Variants in TOX3 observed in about 807,000 individuals in gnomAD.
TOX3 encodes TOX high mobility group box family member 3.
Under a neutral mutation model 64.3 loss-of-function variants are expected in TOX3, and 22 were observed. The ratio of observed to expected loss-of-function variants is 0.34; its 90% CI spans 0.24 to 0.49. TOX3 has a LOEUF of 0.49. TOX3 is among the 20% of genes least tolerant of loss of function. TOX3 has a pLI of 0.99. For missense variants in TOX3, 661 were observed against 714.4 expected (o/e 0.93, Z 0.85); for synonymous variants, 291 against 273.6 (o/e 1.06, Z -0.63).
intron 1 of TOX3, among the ~76,000 whole-genome samples, chr16:52,485,420 G>A (rs1043137069): frequency 1.3e-5 from 2 of 151,866 alleles, no homozygotes; most frequent in Admixed American, 6.6e-5. Context: ...ACTTAAAAGT[G>A]AGAGCTAAAT....
intron 1 of TOX3, among the ~76,000 whole-genome samples, chr16:52,535,315 G>C (rs550164108): frequency 1.3e-5 from 2 of 152,262 alleles, no homozygotes; most frequent in Admixed American, 1.3e-4. Context: ...CATTTCCTGA[G>C]TACCCAAGTG....
intron 1 of TOX3, among the ~76,000 whole-genome samples, chr16:52,514,912 G>A (rs963235398): frequency 6.7e-6 from 1 of 149,114 alleles, no homozygotes; most frequent in African/African-American, 2.5e-5. Flanking sequence ...TTGGGAGGTT[G>A]AGGCAGGAGA....
At chr16:52,490,973 G>A (rs145928744) in intron 1 of TOX3, among the ~76,000 whole-genome samples, 7 of 152,154 alleles carry the variant, frequency 4.6e-5, no homozygotes, top group African/African-American at 7.2e-5. Flanking sequence ...TGGCTAAAGC[G>A]TAATTTACCT....
At chr16:52,536,337 A>G (rs1251055823) in intron 1 of TOX3, among the ~76,000 whole-genome samples, 1 of 151,912 alleles carries the variant, frequency 6.6e-6, no homozygotes, top group Non-Finnish European at 1.5e-5. Context: ...ACATACTTGA[A>G]GGTGATATCT....
chr16:52,440,030 C>G, intron 6 of TOX3, 62 bp from the exon 7 acceptor site: 2 of 1,316,068 alleles, frequency 1.5e-6, no homozygotes, highest in South Asian at 1.6e-5. Flanking sequence ...AATATTTAAG[C>G]ATTTTTAGAT....
At position 52,438,500 on chromosome 16, in the gene TOX3, A is replaced by G. The variant is rs1387263550; in HGVS notation, c.*725T>C. ...ACTTGTCACTCAAAACACGGAATAT[A>G]GTATTCACATTTCTTCTAATTGGAA... On this transcript the variant is annotated 3_prime_UTR_variant, in exon 7 of 7. Coordinates refer to ENST00000219746, the MANE Select transcript of TOX3 (RefSeq NM_001080430.4). 1.7e-5 allele frequency: 2 copies of G among 120,244 alleles called. No homozygotes were observed. The highest frequency in any genetic ancestry group is 8.1e-5 in the African/African-American group (2 of 24,842). The allele number at this position is 120,244 out of a possible 1,614,324, so 7.4% of individuals were successfully genotyped here. A position where few individuals can be genotyped will look rare whatever the true frequency, so the allele number is the denominator to read the frequency against.
At position 52,516,770 on chromosome 16, in the gene TOX3, G is replaced by T. The variant is rs1596850295; in HGVS notation, c.87+29867C>A. On this transcript the variant is annotated intron_variant, in intron 1 of 6. Coordinates refer to ENST00000219746, the MANE Select transcript of TOX3 (RefSeq NM_001080430.4). The stretch of plus-strand genomic sequence containing the variant: ...AGTGGCTGGGGGTAGGGGATTAACT[G>T]CAAAGGGGTACAAGGAAACTTGTGG... Among the ~76,000 whole-genome samples, 4 of 152,246 alleles carry T rather than the reference G, an allele frequency of 2.6e-5. No homozygotes were observed. The South Asian group carries it at 6.2e-4, about 24-fold the overall frequency.
Position 52,482,018 on chromosome 16 carries a change from T to C in TOX3, c.88-13444A>G, listed in dbSNP as rs373983018. ...GTAACTTAAGATTTTATATCTTATA[T>C]TTATTTTAAAAGAAGGGTTTTTGCT... is the stretch of plus-strand genomic sequence containing the variant. On this transcript the variant is annotated intron_variant, in intron 1 of 6. Coordinates refer to ENST00000219746, the MANE Select transcript of TOX3 (RefSeq NM_001080430.4). 6.6e-5 allele frequency among the ~76,000 whole-genome samples: 10 copies of C among 152,306 alleles called. 1 individual carries two copies. The South Asian group carries it at 1.9e-3, about 28-fold the overall frequency.
At chr16:52,503,251 C>T (rs1962053639) in intron 1 of TOX3, among the ~76,000 whole-genome samples, 6 of 152,100 alleles carry the variant, frequency 3.9e-5, no homozygotes, top group Admixed American at 3.9e-4. Context: ...TCAAATAGGA[C>T]TGGGTTCCAG....
rs370635802 is a variant in TOX3 at position 52,454,862 on chromosome 16, A to G, written c.409-4316T>C. ...AATTTACTACAACATAATGTAGGCC[A>G]GAATAATTTTTATATACTCCCACCA... On this transcript the variant is annotated intron_variant, in intron 3 of 6. Transcript: ENST00000219746. 8.5e-5 allele frequency among the ~76,000 whole-genome samples: 13 copies of G among 152,344 alleles called. No individual in the cohort carries two copies. The East Asian group carries it at 2.5e-3, about 29-fold the overall frequency.
At chr16:52,455,695 A>T (rs1332778567) in intron 3 of TOX3, among the ~76,000 whole-genome samples, 1 of 152,166 alleles carries the variant, frequency 6.6e-6, no homozygotes, top group Non-Finnish European at 1.5e-5. Context: ...ATGCTGAAGG[A>T]TGGGGAGAAG....
At chr16:52,479,927 C>A (rs1961319996) in intron 1 of TOX3, among the ~76,000 whole-genome samples, 1 of 152,196 alleles carries the variant, frequency 6.6e-6, no homozygotes, top group South Asian at 2.1e-4. Flanking sequence ...GAAAACAACT[C>A]TTTGGAAAAG....
chr16:52,480,756 A>T (rs954128981), intron 1 of TOX3, among the ~76,000 whole-genome samples: 4 of 152,214 alleles, frequency 2.6e-5, no homozygotes, highest in African/African-American at 9.7e-5. Context: ...TTTCTAAAGT[A>T]TAAAATATAA....
intron 1 of TOX3, among the ~76,000 whole-genome samples, chr16:52,506,260 A>G (rs1410458930): frequency 6.6e-6 from 1 of 152,174 alleles, no homozygotes; most frequent in African/African-American, 2.4e-5. Flanking sequence ...AAATGCTCAT[A>G]CTCTTTATAC....
At chr16:52,489,974 C>T (rs1961632271) in intron 1 of TOX3, among the ~76,000 whole-genome samples, 2 of 152,188 alleles carry the variant, frequency 1.3e-5, no homozygotes, top group African/African-American at 4.8e-5. Context: ...ACCCATCCTC[C>T]ACACTGCACC....
At chr16:52,514,855 T>C (rs1048515863) in intron 1 of TOX3, among the ~76,000 whole-genome samples, 3 of 151,278 alleles carry the variant, frequency 2.0e-5, no homozygotes, top group Non-Finnish European at 2.9e-5. Context: ...ACCACCAATA[T>C]AAAAAATCAG....
intron 4 of TOX3, among the ~76,000 whole-genome samples, chr16:52,450,018 A>G (rs1457747194): frequency 6.6e-6 from 1 of 152,222 alleles, no homozygotes; most frequent in Non-Finnish European, 1.5e-5. Context: ...GATTAGAAAA[A>G]TTGGGCCTAC....
chr16:52,484,643 T>C (rs750798340), intron 1 of TOX3, among the ~76,000 whole-genome samples: 16 of 151,836 alleles, frequency 1.1e-4, no homozygotes, highest in Non-Finnish European at 2.1e-4. Flanking sequence ...TGAAAAAACA[T>C]TAGAAAAAAA....
At chr16:52,469,246 G>A (rs139608477) in intron 1 of TOX3, among the ~76,000 whole-genome samples, 141 of 152,212 alleles carry the variant, frequency 9.3e-4, no homozygotes, top group African/African-American at 3.2e-3. Context: ...TATTTCATTC[G>A]CTAACACAAT....
Sources: allele counts gnomAD v4.1 joint callset (sites outside exome capture counted in the v4.1 genomes callset), GRCh38; gene constraint gnomAD v4.1.1; transcripts MANE v1.5; gene names NCBI Gene and HGNC (gene_info 2026-07-23, HGNC 2026-07-21).